STRIP1: variants seen among roughly 807,000 people sequenced by gnomAD.
The protein encoded by STRIP1 is striatin interacting protein 1, also known as striatin-interacting protein 1.
STRIP1 carries 63 observed loss-of-function variants against 106.2 expected under a neutral mutation model. That is an observed-to-expected ratio of 0.59 (90% CI 0.48 to 0.73). The LOEUF is 0.73. Ranked by LOEUF, STRIP1 falls within the 30% of genes least tolerant of loss-of-function variation. The pLI, the probability that STRIP1 is intolerant of heterozygous loss-of-function variation, is 0.00. For missense variants in STRIP1, 857 were observed against 1,074.8 expected, an observed-to-expected ratio of 0.80 and a Z score of 2.83; for synonymous variants, 390 against 413.0, an observed-to-expected ratio of 0.94 and a Z score of 0.67.
intron 17 of STRIP1, chr1:110,050,110 C>T: frequency 1.9e-6 from 1 of 532,638 alleles, no homozygotes; most frequent in East Asian, 3.3e-5. Context: ...GTCTCTTCCC[C>T]TTACAAGATC....
chr1:110,049,754 T>C, intron 17 of STRIP1, 194 bp downstream of exon 17: 1 of 551,896 alleles, frequency 1.8e-6, no homozygotes, highest in Middle Eastern at 4.8e-4. Flanking sequence ...TAGCTAGTCC[T>C]GCCCCAGGTG....
chr1:110,050,900 A>G, intron 18 of STRIP1, 56 bp from the exon 19 acceptor site: 1 of 1,030,880 alleles, frequency 9.7e-7, no homozygotes, highest in Non-Finnish European at 1.5e-6. Flanking sequence ...GACTTTTGGA[A>G]ACTGCTGCAC....
At chr1:110,034,531 C>T, upstream of STRIP1, 1 of 1,351,330 alleles carries the variant, frequency 7.4e-7, no homozygotes, top group Non-Finnish European at 9.7e-7. Context: ...CTAACACTGG[C>T]CGCCACACTT....
chr1:110,051,418 G>A (rs577989538), intron 19 of STRIP1, among the ~76,000 whole-genome samples: 7 of 152,304 alleles, frequency 4.6e-5, no homozygotes, highest in Middle Eastern at 6.8e-3. Flanking sequence ...CATGTACACC[G>A]GAATGTTTCT....
intron 16 of STRIP1, 57 bp from the exon 17 acceptor site, chr1:110,049,403 G>A: frequency 6.4e-7 from 1 of 1,551,198 alleles, no homozygotes; most frequent in South Asian, 1.2e-5. Context: ...GGAGGAAAGA[G>A]GGCAAGGTCC....
chr1:110,039,893 A>C, intron 5 of STRIP1: 1 of 1,294,916 alleles, frequency 7.7e-7, no homozygotes, highest in South Asian at 1.2e-5. Flanking sequence ...ATATGGGCTC[A>C]ACCAGTGCCT....
chr1:110,032,245 T>C (rs534417821), upstream of STRIP1, among the ~76,000 whole-genome samples: 14 of 152,318 alleles, frequency 9.2e-5, no homozygotes, highest in Non-Finnish European at 1.8e-4. Context: ...CCCCGGGTGA[T>C]ACAGCTTATG....
intron 3 of STRIP1, 50 bp from the exon 4 acceptor site, chr1:110,039,122 A>G (rs779932834): frequency 6.2e-7 from 1 of 1,607,168 alleles, no homozygotes; most frequent in South Asian, 1.1e-5. Flanking sequence ...GGTCCATGCC[A>G]TTGTGAGGAT....
At chr1:110,037,866 T>A (rs746806228) in intron 1 of STRIP1, 25 bp from the exon 2 acceptor site, 1 of 1,559,788 alleles carries the variant, frequency 6.4e-7, no homozygotes, top group African/African-American at 1.4e-5. Flanking sequence ...TCCTTTTTCC[T>A]AAAGCTCTCT....
Position 110,049,531 on chromosome 1 carries a change from C to T in STRIP1, c.1860C>T (p.Asn620=), listed in dbSNP as rs1653192650. 1 of 1,598,150 alleles carries T rather than the reference C, an allele frequency of 6.3e-7. No individual in the cohort carries two copies. Among genetic ancestry groups the T allele is most frequent in the Non-Finnish European group, 8.5e-7 (1 of 1,171,148 alleles). ...TGATCCTAAAGTTCTTCAATCAAAA[C>T]ATCATGTCCTACATCACTGCCAAGA... ...IPLILKFFNQ[N]IMSYITAKNS... The change falls in exon 17 of 21, where the codon AAC becomes AAT. Residue 620 remains asparagine, a synonymous_variant. Transcript: ENST00000369795.
chr1:110,050,097 A>G, intron 17 of STRIP1: 1 of 511,526 alleles, frequency 2.0e-6, no homozygotes, highest in Non-Finnish European at 3.5e-6. Context: ...GGAAGCTGTG[A>G]GGGTCTCTTC....
At chr1:110,049,426 CTTTTTTTTTT>C (rs529172763) in intron 16 of STRIP1, 24 bp from the exon 17 acceptor site, 1 of 1,090,594 alleles carries the variant, frequency 9.2e-7, no homozygotes, top group South Asian at 1.8e-5. Flanking sequence ...AGGGCCGCGC[CTTTTTTTTTT>C]TTTTTTTTTC....
chr1:110,041,522 G>A lies in STRIP1; in HGVS notation c.651-14G>A. The A allele has an allele frequency of 6.2e-7, 1 of 1,607,288 alleles. No individual in the cohort carries two copies. Among genetic ancestry groups the A allele is most frequent in the Non-Finnish European group, 8.5e-7 (1 of 1,173,892 alleles). On this transcript the variant is annotated splice_polypyrimidine_tract_variant and intron_variant, in intron 6 of 20. Coordinates refer to ENST00000369795, the MANE Select transcript of STRIP1 (RefSeq NM_033088.4). ...CCCCATCCCACTCCATTGTGAGCTG[G>A]CTCTTGTCCTCAGGGTCCTGCTCAA...
At chr1:110,050,156 A>G in intron 17 of STRIP1, 187 bp from the exon 18 acceptor site, 1 of 594,110 alleles carries the variant, frequency 1.7e-6, no homozygotes, top group South Asian at 2.0e-5. Context: ...GTGCTTTACA[A>G]GTTCTCTTGT....
intron 15 of STRIP1, 160 bp downstream of exon 15, chr1:110,048,029 A>C (rs776022739): frequency 3.1e-5 from 20 of 642,310 alleles, no homozygotes; most frequent in Non-Finnish European, 5.1e-5. Flanking sequence ...AAAGAGTTTC[A>C]CTGGTTGGGG....
At chr1:110,048,509 C>T (rs1245909235) in intron 15 of STRIP1, among the ~76,000 whole-genome samples, 3 of 152,166 alleles carry the variant, frequency 2.0e-5, no homozygotes, top group Non-Finnish European at 2.9e-5. Flanking sequence ...CAGTGATGGC[C>T]GGCTGAGGGA....
At chr1:110,039,840 C>T (rs1295924694) in intron 5 of STRIP1, 2 of 1,308,478 alleles carry the variant, frequency 1.5e-6, no homozygotes, top group East Asian at 5.2e-5. Context: ...CTGTGTTCGC[C>T]CTGCAGTTTC....
intron 10 of STRIP1, 96 bp from the exon 11 acceptor site, chr1:110,044,744 C>T: frequency 8.4e-7 from 1 of 1,192,172 alleles, no homozygotes; most frequent in Non-Finnish European, 1.2e-6. Flanking sequence ...CCTGGCTTCA[C>T]AGTTTCTGGA....
chr1:110,038,964 A>G (rs1570914697), intron 3 of STRIP1: 1 of 742,876 alleles, frequency 1.3e-6, no homozygotes. Flanking sequence ...GGGAGAAAAA[A>G]AAATCATGTG....
Sources: allele counts gnomAD v4.1 joint callset (sites outside exome capture counted in the v4.1 genomes callset), GRCh38; gene constraint gnomAD v4.1.1; transcripts MANE v1.5; gene names NCBI Gene and HGNC (gene_info 2026-07-23, HGNC 2026-07-21).